DTWD2: variants seen among roughly 807,000 people sequenced by gnomAD.
DTWD2 encodes the protein tRNA-uridine aminocarboxypropyltransferase 2.
In DTWD2, 39 loss-of-function variants were observed where a neutral mutation model predicts 31.8. The ratio of observed to expected loss-of-function variants is 1.22; its 90% CI spans 0.95 to 1.60. DTWD2 has a LOEUF of 1.60. Ranked by LOEUF, DTWD2 falls within the 40% of genes most tolerant of loss-of-function variation. The pLI, the probability that DTWD2 is intolerant of heterozygous loss-of-function variation, is 0.00. For synonymous variants in DTWD2, 180 were observed against 142.8 expected, an observed-to-expected ratio of 1.26 and a Z score of -1.86; for missense variants, 515 against 381.5, an observed-to-expected ratio of 1.35 and a Z score of -2.92.
chr5:118,850,143 A>C (rs1751963301), intron 4 of DTWD2, among the ~76,000 whole-genome samples: 1 of 151,846 alleles, frequency 6.6e-6, no homozygotes, highest in South Asian at 2.1e-4. Context: ...ATGAAACTGG[A>C]TCTCTACATA....
In DTWD2 at chr5:118,838,171, T is replaced by C. The variant is rs187000149; in HGVS notation, c.*2746A>G. On this transcript the variant is annotated 3_prime_UTR_variant, in exon 6 of 6. Coordinates refer to ENST00000510708, the MANE Select transcript of DTWD2 (RefSeq NM_173666.4). ...GTTCTCAACCTTTTACACTCATGTG[T>C]GCAAGAAACTCTCAATACCTCTCAT... 50 of 152,326 alleles carry C rather than the reference T, an allele frequency of 3.3e-4. No individual in the cohort carries two copies. The highest frequency in any genetic ancestry group is 1.1e-3 in the African/African-American group (47 of 41,574). 9.4% of individuals were successfully genotyped at this position (152,326 alleles called of 1,614,324 possible). A position where few individuals can be genotyped will look rare whatever the true frequency, so the allele number is the denominator to read the frequency against.
rs73234502 is a variant in DTWD2 at position 118,837,957 on chromosome 5, A to G, written c.*2960T>C. ...TAAATAAATCACTAACTGGTGGTAT[A>G]GTGAGGAGCTTATTTCTTCCAAAAT... On this transcript the variant is annotated 3_prime_UTR_variant, in exon 6 of 6. Coordinates refer to ENST00000510708, the MANE Select transcript of DTWD2 (RefSeq NM_173666.4). 0.35 allele frequency: 53,189 copies of G among 152,004 alleles called. 11,583 individuals are homozygous for G. Among genetic ancestry groups the G allele is most frequent in the African/African-American group, 0.62 (25,663 of 41,402 alleles). The allele number at this position is 152,004 out of a possible 1,614,324, so 9.4% of individuals were successfully genotyped here. A position where few individuals can be genotyped will look rare whatever the true frequency, so the allele number is the denominator to read the frequency against.
intron 4 of DTWD2, among the ~76,000 whole-genome samples, chr5:118,895,781 T>A (rs1753071546): frequency 6.6e-6 from 1 of 152,132 alleles, no homozygotes; most frequent in African/African-American, 2.4e-5. Context: ...GTCTCTTTAA[T>A]AAATGGTGAT....
intron 4 of DTWD2, among the ~76,000 whole-genome samples, chr5:118,889,063 A>G (rs778885573): frequency 2.6e-5 from 4 of 152,186 alleles, no homozygotes; most frequent in Non-Finnish European, 4.4e-5. Flanking sequence ...CTCTTAATGT[A>G]TGACCTTTGT....
At chr5:118,860,191 T>C (rs866850294) in intron 4 of DTWD2, among the ~76,000 whole-genome samples, 34 of 149,678 alleles carry the variant, frequency 2.3e-4, no homozygotes, top group African/African-American at 8.0e-4. Context: ...ATATATTATA[T>C]AAAAGCATAG....
intron 4 of DTWD2, among the ~76,000 whole-genome samples, chr5:118,858,014 T>C (rs1349358170): frequency 6.6e-6 from 1 of 152,336 alleles, no homozygotes; most frequent in South Asian, 2.1e-4. Context: ...GTGCTCGTTA[T>C]AACAGTAAAC....
chr5:118,940,174 T>C (rs2029036), intron 2 of DTWD2, among the ~76,000 whole-genome samples: 1 of 152,144 alleles, frequency 6.6e-6, no homozygotes, highest in Non-Finnish European at 1.5e-5. Flanking sequence ...CAGTGGTTTC[T>C]TCAATGTCCT....
intron 4 of DTWD2, among the ~76,000 whole-genome samples, chr5:118,850,635 G>C (rs1271286440): frequency 6.6e-6 from 1 of 151,770 alleles, no homozygotes; most frequent in East Asian, 1.9e-4. Flanking sequence ...GTCCTCAAAA[G>C]CAACTGCTAC....
At chr5:118,853,533 TG>T (rs939202757) in intron 4 of DTWD2, among the ~76,000 whole-genome samples, 3 of 152,102 alleles carry the variant, frequency 2.0e-5, no homozygotes, top group African/African-American at 7.2e-5. Flanking sequence ...ATAAAAAAAA[TG>T]TGGTACATTT....
intron 4 of DTWD2, among the ~76,000 whole-genome samples, chr5:118,850,680 C>A (rs112504453): frequency 3.3e-5 from 5 of 151,732 alleles, no homozygotes; most frequent in Non-Finnish European, 7.4e-5. Context: ...TCTAATTAAA[C>A]TAAAAAGCTT....
intron 4 of DTWD2, among the ~76,000 whole-genome samples, chr5:118,862,324 C>G (rs912607088): frequency 1.3e-5 from 2 of 152,180 alleles, no homozygotes; most frequent in African/African-American, 4.8e-5. Context: ...GTGCAAAGAA[C>G]AGCTAGAAAG....
chr5:118,859,335 A>G (rs1373527364), intron 4 of DTWD2, among the ~76,000 whole-genome samples: 1 of 152,202 alleles, frequency 6.6e-6, no homozygotes, highest in Non-Finnish European at 1.5e-5. Context: ...TAATCTCATA[A>G]ATGTCAATGA....
rs201537221 is a variant in DTWD2, at chr5:118,970,939, G to GA, written c.218+17354_218+17355insT. Among the ~76,000 whole-genome samples the GA allele has an allele frequency of 4.9e-3, 752 of 152,296 alleles. 10 individuals are homozygous for GA. The highest frequency in any genetic ancestry group is 0.035 in the South Asian group (168 of 4,824). ...TCCTTTTCAGACAAGCAAATGCTGA[G>GA]GGACTTCGTCACCACCAGGCCTGCC... On this transcript the variant is annotated intron_variant, in intron 1 of 5. Transcript: ENST00000510708.
chr5:118,959,181 C>G (rs1285139646), intron 1 of DTWD2, among the ~76,000 whole-genome samples: 2 of 152,018 alleles, frequency 1.3e-5, no homozygotes, highest in Non-Finnish European at 2.9e-5. Flanking sequence ...AGACAATATT[C>G]TTTTTTACCT....
chr5:118,859,708 T>C (rs565022299), intron 4 of DTWD2, among the ~76,000 whole-genome samples: 2 of 152,324 alleles, frequency 1.3e-5, no homozygotes, highest in East Asian at 3.9e-4. Flanking sequence ...GATAAGCTTA[T>C]AGAAGTTTGG....
At position 118,840,923 on chromosome 5, in the gene DTWD2, T is replaced by A; in HGVS notation, c.891A>T (p.Lys297Asn). The A allele has an allele frequency of 6.2e-7, 1 of 1,613,232 alleles. No homozygotes were observed. The highest frequency in any genetic ancestry group is 8.5e-7 in the Non-Finnish European group (1 of 1,179,542). ...CACCAAAAGAATAACTGTACTAAAT[T>A]TTAACACTATTCATTAACAATTCCA... ...RKMELLMNSV[K>N]I The change falls in exon 6 of 6, where the codon AAA becomes AAT. Residue 297 changes from lysine (K) to asparagine (N), a missense_variant. Coordinates refer to ENST00000510708, the MANE Select transcript of DTWD2 (RefSeq NM_173666.4).
rs560158170 is a variant in DTWD2, at chr5:118,876,590, G to C, written c.598-28372C>G. ...CACAGAAGTACAAACAACTATCACA[G>C]AGTAGTATGAACACCTCTATGCACA... On this transcript the variant is annotated intron_variant, in intron 4 of 5. Coordinates refer to ENST00000510708, the MANE Select transcript of DTWD2 (RefSeq NM_173666.4). Among the ~76,000 whole-genome samples the C allele has an allele frequency of 2.8e-4, 42 of 152,280 alleles. No homozygotes were observed. In the South Asian group the frequency reaches 4.8e-3, roughly 17 times the overall value.
intron 1 of DTWD2, among the ~76,000 whole-genome samples, chr5:118,958,747 C>A (rs1215321612): frequency 6.6e-6 from 1 of 152,070 alleles, no homozygotes; most frequent in Non-Finnish European, 1.5e-5. Flanking sequence ...AACAAATTCA[C>A]TGCAATCTGA....
chr5:118,936,828 A>G (rs1301111264), intron 3 of DTWD2, among the ~76,000 whole-genome samples: 1 of 152,158 alleles, frequency 6.6e-6, no homozygotes, highest in Non-Finnish European at 1.5e-5. Flanking sequence ...TTGATTCTTT[A>G]AAGAGATCGA....
Sources: allele counts gnomAD v4.1 joint callset (sites outside exome capture counted in the v4.1 genomes callset), GRCh38; gene constraint gnomAD v4.1.1; transcripts MANE v1.5; gene names NCBI Gene and HGNC (gene_info 2026-07-23, HGNC 2026-07-21).